SIM1: variants seen among roughly 807,000 people sequenced by gnomAD.
SIM1 encodes the protein single-minded homolog 1.
Under a neutral mutation model 78.2 loss-of-function variants are expected in SIM1, and 18 were observed. The observed-to-expected ratio is 0.23, with a 90% CI of 0.16 to 0.34. The LOEUF is 0.34. SIM1 is among the 10% of genes least tolerant of loss of function. The pLI is 1.00. For synonymous variants in SIM1, 417 were observed against 385.2 expected (o/e 1.08, Z -0.97); for missense variants, 939 against 975.1 (o/e 0.96, Z 0.49).
intron 11 of SIM1, 46 bp downstream of exon 11, chr6:100,393,441 C>T (rs1472653559): frequency 1.5e-5 from 22 of 1,473,658 alleles, no homozygotes; most frequent in Non-Finnish European, 2.0e-5. Context: ...TGAACCTGCC[C>T]AGGGCCTAAT....
rs1770606024 is a variant in SIM1, at chr6:100,390,401, C to A, written c.2261G>T (p.Gly754Val). The change falls in exon 12 of 12, where the codon GGA becomes GTA. Residue 754 changes from glycine (G) to valine (V), a missense_variant. Transcript: ENST00000369208. ...TATTATAACAGATGTTCCCTTGTGT[C>A]CTTGTGCTGGGTCTGGTTGCATCCT... ...HLRMQPDPAQ[G>V]HKGTSVIITN... 1 of 1,613,988 alleles carries A rather than the reference C, an allele frequency of 6.2e-7. No homozygotes were observed. Among genetic ancestry groups the A allele is most frequent in the African/African-American group, 1.3e-5 (1 of 74,920 alleles).
chr6:100,437,182 G>A (rs927734591), intron 9 of SIM1: 2 of 152,168 alleles, frequency 1.3e-5, no homozygotes, highest in African/African-American at 2.4e-5. Flanking sequence ...CCATGTCACA[G>A]GATAAAATAT....
At chr6:100,457,031 A>C (rs1461200599) in intron 2 of SIM1, among the ~76,000 whole-genome samples, 2 of 152,244 alleles carry the variant, frequency 1.3e-5, no homozygotes, top group Non-Finnish European at 2.9e-5. Flanking sequence ...GATGAGCCCC[A>C]GTCTAGTGTG....
At position 100,423,967 on chromosome 6, in the gene SIM1, C is replaced by T. The variant is rs188191880; in HGVS notation, c.999-3009G>A. Among the ~76,000 whole-genome samples, 591 of 152,182 alleles carry T rather than the reference C, an allele frequency of 3.9e-3. 4 individuals are homozygous for T. Among genetic ancestry groups the T allele is most frequent in the Non-Finnish European group, 6.2e-3 (422 of 68,014 alleles). On this transcript the variant is annotated intron_variant, in intron 9 of 11. Transcript: ENST00000369208. ...AGTTTGGCCAAATAACTTGGTAAAC[C>T]CATTCCTAATGCTGCATCTCAGCCC...
Position 100,431,602 on chromosome 6 carries a change from G to A in SIM1, c.999-10644C>T, listed in dbSNP as rs534357145. On this transcript the variant is annotated intron_variant, in intron 9 of 11. Coordinates refer to ENST00000369208, the MANE Select transcript of SIM1 (RefSeq NM_005068.3). ...TTCTGAGTATTTGCTAGAGATTTTG[G>A]ATTGCCCACTAAAACACCAAAATTT... Among the ~76,000 whole-genome samples, 3 of 152,226 alleles carry A rather than the reference G, an allele frequency of 2.0e-5. No homozygotes were observed. The South Asian group carries it at 6.2e-4, about 32-fold the overall frequency.
At chr6:100,419,930 C>T (rs984720314) in intron 10 of SIM1, among the ~76,000 whole-genome samples, 5 of 152,112 alleles carry the variant, frequency 3.3e-5, no homozygotes, top group South Asian at 4.1e-4. Context: ...CACAAGTCAC[C>T]GTGCCCAGCC....
At chr6:100,464,122 C>A (rs1471623411) in intron 1 of SIM1, among the ~76,000 whole-genome samples, 187 bp from the exon 2 acceptor site, 1 of 152,180 alleles carries the variant, frequency 6.6e-6, no homozygotes, top group East Asian at 1.9e-4. Context: ...CTGGCATTCC[C>A]TCACCCATGC....
rs186727041 is a variant in SIM1 at position 100,391,554 on chromosome 6, C to A, written c.1571-463G>T. On this transcript the variant is annotated intron_variant, in intron 11 of 11. Transcript: ENST00000369208. Reference sequence around the variant, plus strand: ...GAGGGAAATGATGATACAGGCTGAACTATTCTCTCACTTCCAAATAAATAA... The same window carrying A: ...GAGGGAAATGATGATACAGGCTGAAATATTCTCTCACTTCCAAATAAATAA... 2.1e-3 allele frequency among the ~76,000 whole-genome samples: 325 copies of A among 152,266 alleles called. 1 individual carries two copies. Among genetic ancestry groups the A allele is most frequent in the African/African-American group, 7.0e-3 (292 of 41,546 alleles).
At chr6:100,406,151 T>G (rs906977312) in intron 10 of SIM1, among the ~76,000 whole-genome samples, 9 of 152,214 alleles carry the variant, frequency 5.9e-5, no homozygotes, top group Non-Finnish European at 1.2e-4. Flanking sequence ...TCTAGCCCAC[T>G]GGGTAAAATC....
intron 10 of SIM1, among the ~76,000 whole-genome samples, chr6:100,407,711 C>A (rs867334555): frequency 6.6e-6 from 1 of 152,026 alleles, no homozygotes; most frequent in African/African-American, 2.4e-5. Context: ...TGTTGAGCAC[C>A]TTTTCATGTA....
chr6:100,448,043 C>A (rs1304832260), intron 8 of SIM1, 103 bp downstream of exon 8: 2 of 911,034 alleles, frequency 2.2e-6, no homozygotes, highest in Non-Finnish European at 3.3e-6. Flanking sequence ...GCTCCCTGGG[C>A]TCCCACCTGT....
chr6:100,434,856 T>C (rs973733172), intron 9 of SIM1, among the ~76,000 whole-genome samples: 9 of 152,162 alleles, frequency 5.9e-5, no homozygotes, highest in Non-Finnish European at 1.2e-4. Context: ...CTGATGCGGA[T>C]ACAACAAATT....
rs550804489 is a variant in SIM1, at chr6:100,404,101, A to T, written c.1168-10212T>A. Among the ~76,000 whole-genome samples the T allele has an allele frequency of 3.3e-5, 5 of 152,310 alleles. No homozygotes were observed. The South Asian group carries it at 1.0e-3, about 32-fold the overall frequency. On this transcript the variant is annotated intron_variant, in intron 10 of 11. Transcript: ENST00000369208. ...ACTTTCTCCAGCCTCTACACCCCGT[A>T]AACCACCTCCACACACCCTTAGGTA...
chr6:100,448,063 A>G, intron 8 of SIM1, 83 bp downstream of exon 8: 1 of 1,131,388 alleles, frequency 8.8e-7, no homozygotes, highest in Non-Finnish European at 1.3e-6. Context: ...TCCTCTTGCG[A>G]GGGATTTAAA....
chr6:100,440,300 A>G (rs1289361007), intron 9 of SIM1, among the ~76,000 whole-genome samples: 1 of 152,206 alleles, frequency 6.6e-6, no homozygotes, highest in Non-Finnish European at 1.5e-5. Context: ...GCTATTATGT[A>G]GCATAGTCTT....
Position 100,389,781 on chromosome 6 carries a change from T to C in SIM1, c.*580A>G, listed in dbSNP as rs1770590290. 2.5e-6 allele frequency: 1 copy of C among 399,134 alleles called. No homozygotes were observed. The highest frequency in any genetic ancestry group is 4.4e-6 in the Non-Finnish European group (1 of 226,186). The allele number at this position is 399,134 out of a possible 1,614,324, so 24.7% of individuals were successfully genotyped here. Reference sequence around the variant, plus strand: ...ATTTTTGCACCATATCCAGAACCATTTCTCTAATTTATGCCTGAACCAAAT... The same window carrying C: ...ATTTTTGCACCATATCCAGAACCATCTCTCTAATTTATGCCTGAACCAAAT... On this transcript the variant is annotated 3_prime_UTR_variant, in exon 12 of 12. Transcript: ENST00000369208.
chr6:100,390,562 G>C lies in SIM1; in HGVS notation c.2100C>G (p.Gly700=), dbSNP rs77655804. The change falls in exon 12 of 12, where the codon GGC becomes GGG. Residue 700 remains glycine, a synonymous_variant. Transcript: ENST00000369208. ...DHPTVSPNCF[G]SHRQYFDKHA... ...GCTTGTCAAAATACTGCCGGTGAGA[G>C]CCAAAGCAGTTTGGAGAGACAGTAG... is the stretch of plus-strand genomic sequence containing the variant. The C allele has an allele frequency of 5.5e-4, 888 of 1,614,176 alleles. 9 individuals carry two copies. In the African/African-American group the frequency reaches 0.01, roughly 19 times the overall value.
At position 100,463,576 on chromosome 6, in the gene SIM1, C is replaced by T; in HGVS notation, c.-108G>A. ...ATATTTGGCAAAAACATAAAACATA[C>T]TTTGAATAAAGAGGCTGAAGTATTT... On this transcript the variant is annotated 5_prime_UTR_variant, in exon 2 of 12. Transcript: ENST00000369208. 2.9e-6 allele frequency: 3 copies of T among 1,048,414 alleles called. No individual in the cohort carries two copies. The highest frequency in any genetic ancestry group is 4.8e-5 in the East Asian group (2 of 41,716). 64.9% of individuals were successfully genotyped at this position (1,048,414 alleles called of 1,614,324 possible). A position where few individuals can be genotyped will look rare whatever the true frequency, so the allele number is the denominator to read the frequency against.
intron 4 of SIM1, 106 bp from the exon 5 acceptor site, chr6:100,449,805 A>T: frequency 1.1e-6 from 1 of 894,420 alleles, no homozygotes; most frequent in Non-Finnish European, 1.8e-6. Flanking sequence ...AGCAGCCAGA[A>T]TTCTGGAATT....
Sources: gnomAD v4.1 joint callset for allele counts (sites outside exome capture counted in the v4.1 genomes callset) on GRCh38, gnomAD v4.1.1 for gene constraint, MANE v1.5 for transcripts, NCBI Gene and HGNC (gene_info 2026-07-23, HGNC 2026-07-21) for gene names.